LRRTM4: variants seen among roughly 807,000 people sequenced by gnomAD.
LRRTM4 encodes the protein leucine-rich repeat transmembrane neuronal protein 4.
Under a neutral mutation model 47.6 loss-of-function variants are expected in LRRTM4, and 25 were observed. That is an observed-to-expected ratio of 0.53 (90% CI 0.38 to 0.73). The LOEUF (loss-of-function observed/expected upper bound fraction) is 0.73, where lower values mean the gene tolerates loss of function less well. Among genes scored for constraint, LRRTM4 ranks in the 30% least tolerant of loss-of-function variants. The probability of loss-of-function intolerance (pLI) is 0.00; values close to 1 mark genes in which losing one functional copy is unlikely to be tolerated. For missense variants in LRRTM4, 638 were observed against 713.4 expected (o/e 0.89, Z 1.20); for synonymous variants, 311 against 269.5 (o/e 1.15, Z -1.51).
At chr2:77,364,199 C>G (rs570698911) in intron 3 of LRRTM4, among the ~76,000 whole-genome samples, 1 of 152,070 alleles carries the variant, frequency 6.6e-6, no homozygotes, top group Admixed American at 6.6e-5. Context: ...AACATCAGCA[C>G]ACCTGCCACA....
intron 3 of LRRTM4, among the ~76,000 whole-genome samples, chr2:76,963,246 T>A (rs1675919295): frequency 6.6e-6 from 1 of 150,940 alleles, no homozygotes; most frequent in African/African-American, 2.4e-5. Flanking sequence ...TTTTATAGAC[T>A]ACAAACCAAG....
chr2:77,000,011 A>G (rs1677356675), intron 3 of LRRTM4, among the ~76,000 whole-genome samples: 1 of 152,240 alleles, frequency 6.6e-6, no homozygotes, highest in South Asian at 2.1e-4. Flanking sequence ...AAGCTGTACA[A>G]TAGACTGTTC....
At chr2:76,984,968 TG>T (rs1306232469) in intron 3 of LRRTM4, among the ~76,000 whole-genome samples, 2 of 152,004 alleles carry the variant, frequency 1.3e-5, no homozygotes, top group Non-Finnish European at 2.9e-5. Flanking sequence ...TTCTGAAATT[TG>T]GGGAAAATCA....
intron 3 of LRRTM4, among the ~76,000 whole-genome samples, chr2:76,900,890 T>C (rs1186281287): frequency 6.6e-6 from 1 of 152,168 alleles, no homozygotes; most frequent in South Asian, 2.1e-4. Context: ...TAATGTTGAT[T>C]AGAAGTACCA....
intron 3 of LRRTM4, among the ~76,000 whole-genome samples, chr2:77,088,999 G>A (rs1443007842): frequency 3.9e-5 from 6 of 151,940 alleles, no homozygotes; most frequent in Non-Finnish European, 5.9e-5. Flanking sequence ...CTCCGGCGCC[G>A]GTCACGGACT....
intron 3 of LRRTM4, among the ~76,000 whole-genome samples, chr2:77,292,618 A>G (rs1375053055): frequency 6.8e-6 from 1 of 147,672 alleles, no homozygotes; most frequent in Non-Finnish European, 1.5e-5. Context: ...AACACCGCAT[A>G]GTCTCACTCA....
At chr2:76,803,944 A>C (rs774542416) in intron 3 of LRRTM4, among the ~76,000 whole-genome samples, 5 of 152,230 alleles carry the variant, frequency 3.3e-5, no homozygotes, top group Non-Finnish European at 7.3e-5. Flanking sequence ...TTGAAGACTG[A>C]GTCTCTAGTG....
intron 3 of LRRTM4, among the ~76,000 whole-genome samples, chr2:77,321,343 T>A (rs1214961091): frequency 6.6e-6 from 1 of 152,088 alleles, no homozygotes; most frequent in African/African-American, 2.4e-5. Flanking sequence ...TCAGCTTCCC[T>A]TTTATTAGAA....
intron 3 of LRRTM4, among the ~76,000 whole-genome samples, chr2:77,239,666 A>G (rs550070277): frequency 6.6e-6 from 1 of 152,050 alleles, no homozygotes; most frequent in Non-Finnish European, 1.5e-5. Flanking sequence ...ATCATTAGGG[A>G]TAACAAAGTT....
chr2:77,375,399 A>G (rs376584722), intron 3 of LRRTM4, among the ~76,000 whole-genome samples: 2 of 151,808 alleles, frequency 1.3e-5, no homozygotes, highest in African/African-American at 4.8e-5. Context: ...ATCACCTCCA[A>G]AAGTTTCCTT....
Position 77,049,193 on chromosome 2 carries a change from C to A in LRRTM4, c.1552-300277G>T, listed in dbSNP as rs1679344329. Among the ~76,000 whole-genome samples, 3 of 129,652 alleles carry A rather than the reference C, an allele frequency of 2.3e-5. No individual in the cohort carries two copies. The South Asian group carries it at 7.4e-4, about 32-fold the overall frequency. 85.1% of individuals were successfully genotyped at this position (129,652 alleles called of 152,430 possible). ...ACACACCACATTTTCTTTATCCATT[C>A]ATCTATTGATAGGCAACTTAGGTTC... is the stretch of plus-strand genomic sequence containing the variant. On this transcript the variant is annotated intron_variant, in intron 3 of 3. Transcript: ENST00000409884.
At chr2:77,018,194 ATTT>A (rs949782820) in intron 3 of LRRTM4, among the ~76,000 whole-genome samples, 2 of 129,074 alleles carry the variant, frequency 1.5e-5, no homozygotes, top group Non-Finnish European at 3.2e-5. Context: ...CCAAAGAAAA[ATTT>A]TTTTTGTTTT....
intron 3 of LRRTM4, among the ~76,000 whole-genome samples, chr2:77,266,322 C>T (rs2104055659): frequency 6.6e-6 from 1 of 152,180 alleles, no homozygotes; most frequent in Non-Finnish European, 1.5e-5. Context: ...ATGTAAAACT[C>T]AACCGTTTAT....
rs965017450 is a variant in LRRTM4 at position 76,988,582 on chromosome 2, G to C, written c.1552-239666C>G. ...GTCACCCCTTCGAATTCCTCAAAAA[G>C]AAACAATAAAACCTTTTAAAAGCCC... On this transcript the variant is annotated intron_variant, in intron 3 of 3. Transcript: ENST00000409884. Among the ~76,000 whole-genome samples the C allele has an allele frequency of 2.6e-5, 4 of 151,782 alleles. No individual in the cohort carries two copies. The East Asian group carries it at 5.8e-4, about 22-fold the overall frequency.
At chr2:76,850,189 C>G (rs376050382) in intron 3 of LRRTM4, among the ~76,000 whole-genome samples, 1 of 152,130 alleles carries the variant, frequency 6.6e-6, no homozygotes, top group Non-Finnish European at 1.5e-5. Context: ...TTTTTTTCTG[C>G]TGTCCATACG....
chr2:77,063,156 C>T (rs1327022950), intron 3 of LRRTM4, among the ~76,000 whole-genome samples: 3 of 151,704 alleles, frequency 2.0e-5, no homozygotes, highest in Non-Finnish European at 4.4e-5. Context: ...GACAGGGTTT[C>T]ACCATATTGG....
At chr2:77,069,309 T>C (rs997646081) in intron 3 of LRRTM4, among the ~76,000 whole-genome samples, 1 of 152,044 alleles carries the variant, frequency 6.6e-6, no homozygotes, top group East Asian at 1.9e-4. Context: ...ACTATTAACA[T>C]ACATGTACAG....
At chr2:77,274,814 G>T (rs960148978) in intron 3 of LRRTM4, among the ~76,000 whole-genome samples, 1 of 151,946 alleles carries the variant, frequency 6.6e-6, no homozygotes, top group South Asian at 2.1e-4. Context: ...TTTCATTAGG[G>T]TCTCCCTCCT....
intron 3 of LRRTM4, among the ~76,000 whole-genome samples, chr2:77,356,068 T>A (rs1671955784): frequency 6.6e-6 from 1 of 152,204 alleles, no homozygotes; most frequent in Non-Finnish European, 1.5e-5. Flanking sequence ...CACTCCTGCC[T>A]AGGCAACAAA....
Sources: gnomAD v4.1 joint callset for allele counts (sites outside exome capture counted in the v4.1 genomes callset) on GRCh38, gnomAD v4.1.1 for gene constraint, MANE v1.5 for transcripts, NCBI Gene and HGNC (gene_info 2026-07-23, HGNC 2026-07-21) for gene names.